Variants in ABCA8 observed in about 807,000 individuals in gnomAD.
ABCA8 encodes the protein ABC-type organic anion transporter ABCA8.
ABCA8 carries 177 observed loss-of-function variants against 192.3 expected under a neutral mutation model. The ratio of observed to expected loss-of-function variants is 0.92; its 90% confidence interval spans 0.81 to 1.04. The LOEUF (loss-of-function observed/expected upper bound fraction) is 1.04. ABCA8 is among the 50% of genes least tolerant of loss of function. The pLI is 0.00. For missense variants in ABCA8, 1,915 were observed against 1,904.8 expected (o/e 1.01, Z -0.10); for synonymous variants, 642 against 690.2 (o/e 0.93, Z 1.09).
At position 68,918,339 on chromosome 17, in the gene ABCA8, A is replaced by T. The variant is rs886549756; in HGVS notation, c.1908+88T>A. On this transcript the variant is annotated intron_variant, in intron 15 of 39. Transcript: ENST00000586539. ...TTCTATTATGAATATTTTATAACAC[A>T]TGTCCTTTGCGAATAAAATATTTGA... The T allele has an allele frequency of 1.4e-4, 217 of 1,503,664 alleles. 1 individual carries two copies. Among genetic ancestry groups the T allele is most frequent in the Non-Finnish European group, 1.8e-4 (203 of 1,119,630 alleles). The allele number at this position is 1,503,664 out of a possible 1,614,324, so 93.1% of individuals were successfully genotyped here.
At chr17:68,887,169 A>G (rs1237091097) in intron 25 of ABCA8, 39 bp from the exon 26 acceptor site, 8 of 1,468,356 alleles carry the variant, frequency 5.4e-6, no homozygotes, top group Non-Finnish European at 6.5e-6. Flanking sequence ...TTAAATACAA[A>G]TGCAATCAAG....
chr17:68,926,553 C>T (rs1164719725), intron 10 of ABCA8, among the ~76,000 whole-genome samples: 2 of 151,934 alleles, frequency 1.3e-5, no homozygotes, highest in African/African-American at 4.8e-5. Flanking sequence ...GGGTAGAAAG[C>T]CTTAAAATAT....
intron 36 of ABCA8, 64 bp from the exon 37 acceptor site, chr17:68,875,464 CTT>C: frequency 6.2e-7 from 1 of 1,605,374 alleles, no homozygotes; most frequent in African/African-American, 1.3e-5. Flanking sequence ...GTTTGAGAAA[CTT>C]GATTTGCTGC....
intron 2 of ABCA8, among the ~76,000 whole-genome samples, chr17:68,943,333 G>A (rs1860446): frequency 0.38 from 57,596 of 151,628 alleles, 12,787 homozygotes; most frequent in Non-Finnish European, 0.51. Flanking sequence ...ATACACACAC[G>A]TATTTCCATA....
rs551679672 is a variant in ABCA8, at chr17:68,934,851, A to G, written c.467-1580T>C. Among the ~76,000 whole-genome samples, 4 of 152,270 alleles carry G rather than the reference A, an allele frequency of 2.6e-5. No individual in the cohort carries two copies. The South Asian group carries it at 8.3e-4, about 32-fold the overall frequency. ...CTATTTGCTAATTTTTGCAAATCTT[A>G]TGAACATGAAGTGATATAACATGTG... is the stretch of plus-strand genomic sequence containing the variant. On this transcript the variant is annotated intron_variant, in intron 5 of 39. Coordinates refer to ENST00000586539, the MANE Select transcript of ABCA8 (RefSeq NM_001288985.2).
At chr17:68,931,761 C>CTTTTTTTTTTTTTTTTTT (rs71144640) in intron 7 of ABCA8, 3 of 96,192 alleles carry the variant, frequency 3.1e-5, no homozygotes, top group South Asian at 4.7e-4. Context: ...AATACATTTC[C>CTTTTTTTTTTTTTTTTTT]TTTTTTTTTT....
chr17:68,928,310 G>C (rs1332638047), intron 9 of ABCA8, among the ~76,000 whole-genome samples: 1 of 152,208 alleles, frequency 6.6e-6, no homozygotes, highest in African/African-American at 2.4e-5. Context: ...AACATTAGGA[G>C]GAAGTAGGGA....
chr17:68,928,126 G>A, intron 9 of ABCA8, 63 bp from the exon 10 acceptor site: 1 of 1,322,130 alleles, frequency 7.6e-7, no homozygotes, highest in Non-Finnish European at 1.0e-6. Flanking sequence ...AAACAGTTAG[G>A]TTTAGCATAG....
chr17:68,914,785 A>G (rs12943713), intron 17 of ABCA8, among the ~76,000 whole-genome samples: 2 of 151,804 alleles, frequency 1.3e-5, no homozygotes, highest in African/African-American at 2.4e-5. Flanking sequence ...AGAATAAAAA[A>G]CAAACAAACT....
At chr17:68,925,776 C>T (rs971885986) in intron 10 of ABCA8, among the ~76,000 whole-genome samples, 4 of 152,138 alleles carry the variant, frequency 2.6e-5, no homozygotes, top group African/African-American at 9.7e-5. Flanking sequence ...TAACTGGATA[C>T]CTTCTGCCAC....
intron 4 of ABCA8, among the ~76,000 whole-genome samples, chr17:68,940,454 C>T (rs890617200): frequency 6.6e-6 from 1 of 152,098 alleles, no homozygotes; most frequent in Admixed American, 6.6e-5. Flanking sequence ...CACTACTGCT[C>T]TAAATGTGCA....
intron 4 of ABCA8, 72 bp downstream of exon 4, chr17:68,940,686 A>G: frequency 1.1e-5 from 15 of 1,337,628 alleles, no homozygotes; most frequent in Non-Finnish European, 1.3e-5. Flanking sequence ...TACAAATTAA[A>G]TGTATAAATC....
At chr17:68,943,734 A>G (rs1484213534) in intron 2 of ABCA8, among the ~76,000 whole-genome samples, 1 of 152,198 alleles carries the variant, frequency 6.6e-6, no homozygotes, top group Non-Finnish European at 1.5e-5. Flanking sequence ...AAAAGCAGGT[A>G]GGGAGAAAGC....
chr17:68,891,403 G>A (rs1281360145), intron 24 of ABCA8, 86 bp downstream of exon 24: 1 of 898,866 alleles, frequency 1.1e-6, no homozygotes, highest in African/African-American at 1.7e-5. Flanking sequence ...AATTAAGCAT[G>A]TAGAAATATT....
chr17:68,941,319 T>C (rs1157409401), intron 3 of ABCA8, among the ~76,000 whole-genome samples: 1 of 152,166 alleles, frequency 6.6e-6, no homozygotes, highest in Non-Finnish European at 1.5e-5. Context: ...TCACTTTATT[T>C]CCAAAATGCA....
chr17:68,893,111 T>C (rs2066654645), intron 23 of ABCA8, among the ~76,000 whole-genome samples: 2 of 152,272 alleles, frequency 1.3e-5, no homozygotes, highest in African/African-American at 4.8e-5. Context: ...TAGAATGAGA[T>C]GTAGATAAGT....
rs1052263364 is a variant in ABCA8, at chr17:68,869,720, G to A, written c.4691C>T (p.Ala1564Val). ...CTTACCCTTCTCTAATTTGAAGAAA[G>A]CTTGGGCTAAAGGTTGCACATCTTC... ...PVEDVQPLAQ[A>V]FFKLEKVKQS... Residue 1564 changes from alanine (A) to valine (V), a missense_variant, in exon 38 of 40, where the codon GCT becomes GTT. Physicochemically the swap from Ala to Val is moderately conservative, Grantham distance 64. Coordinates refer to ENST00000586539, the MANE Select transcript of ABCA8 (RefSeq NM_001288985.2). 6.2e-6 allele frequency: 10 copies of A among 1,612,160 alleles called. 1 individual carries two copies. The African/African-American group carries it at 1.2e-4, about 19-fold the overall frequency.
intron 7 of ABCA8, chr17:68,931,880 G>A (rs1195471778): frequency 7.0e-6 from 1 of 142,936 alleles, no homozygotes; most frequent in African/African-American, 2.7e-5. Flanking sequence ...TCTCTCATTT[G>A]TACCCCTTGG....
At position 68,924,833 on chromosome 17, in the gene ABCA8, A is replaced by G; in HGVS notation, c.1310T>C (p.Leu437Pro). The change falls in exon 11 of 40, where the codon CTG becomes CCG. Residue 437 changes from leucine (L) to proline (P), a missense_variant. Physicochemically the swap from Leu to Pro is moderately conservative, Grantham distance 98. Transcript: ENST00000586539. The part of the protein sequence containing the change: ...YGHRRPPLFF[L>P]KSSFWSQTQK... ...TGTTTGAGACCAAAATGAGGACTTC[A>G]GGAAAAACAAAGGTGGACGTCGATG... 6.2e-7 allele frequency: 1 copy of G among 1,614,136 alleles called. No individual in the cohort carries two copies.
Sources: gnomAD v4.1 joint callset for allele counts (sites outside exome capture counted in the v4.1 genomes callset) on GRCh38, gnomAD v4.1.1 for gene constraint, MANE v1.5 for transcripts, NCBI Gene and HGNC (gene_info 2026-07-23, HGNC 2026-07-21) for gene names.